Variants in NTM observed in about 807,000 individuals in gnomAD.
NTM encodes the protein IgLON family member 2.
A neutral mutation model predicts 42.1 loss-of-function variants in NTM; 13 were observed. That is an observed-to-expected ratio of 0.31 (90% CI 0.20 to 0.49). NTM has a LOEUF of 0.49. Among genes scored for constraint, NTM ranks in the 20% least tolerant of loss-of-function variants. NTM has a pLI of 0.99. For synonymous variants in NTM, 187 were observed against 179.2 expected, an observed-to-expected ratio of 1.04 and a Z score of -0.35; for missense variants, 373 against 452.8, an observed-to-expected ratio of 0.82 and a Z score of 1.60.
chr11:131,851,982 TGGGG>T (rs2045604457), intron 1 of NTM, among the ~76,000 whole-genome samples: 3 of 152,128 alleles, frequency 2.0e-5, no homozygotes, highest in African/African-American at 7.2e-5. Context: ...AACCCGGGTC[TGGGG>T]TGCTTGCCAT....
At chr11:131,829,177 TAA>T (rs113314101) in intron 1 of NTM, among the ~76,000 whole-genome samples, 2 of 150,108 alleles carry the variant, frequency 1.3e-5, no homozygotes, top group African/African-American at 4.9e-5. Context: ...AAGAGTCACT[TAA>T]AAAAAAAATG....
intron 2 of NTM, among the ~76,000 whole-genome samples, chr11:132,105,864 G>A (rs1419932835): frequency 6.6e-6 from 1 of 152,160 alleles, no homozygotes; most frequent in Non-Finnish European, 1.5e-5. Flanking sequence ...TATCGAGAAA[G>A]AGGGGATGTT....
At chr11:131,404,550 C>T (rs1945605986) in intron 1 of NTM, among the ~76,000 whole-genome samples, 1 of 152,162 alleles carries the variant, frequency 6.6e-6, no homozygotes, top group African/African-American at 2.4e-5. Flanking sequence ...CCTCTATATA[C>T]TGGTGACTGC....
intron 1 of NTM, among the ~76,000 whole-genome samples, chr11:131,861,095 G>A (rs1398013439): frequency 2.6e-5 from 4 of 152,112 alleles, no homozygotes; most frequent in Admixed American, 1.3e-4. Context: ...TCCTGTTACT[G>A]AGAGCTGAGC....
At chr11:131,881,313 G>A (rs1397948113) in intron 1 of NTM, among the ~76,000 whole-genome samples, 2 of 152,278 alleles carry the variant, frequency 1.3e-5, no homozygotes, top group African/African-American at 4.8e-5. Flanking sequence ...AACGGTTTGA[G>A]GGAGCACTTC....
chr11:131,567,774 C>T (rs2057043425), intron 1 of NTM, among the ~76,000 whole-genome samples: 1 of 152,206 alleles, frequency 6.6e-6, no homozygotes, highest in Non-Finnish European at 1.5e-5. Context: ...AAAGATGCTA[C>T]TTGAATCCAT....
At chr11:131,969,085 C>A (rs2134649927) in intron 2 of NTM, among the ~76,000 whole-genome samples, 1 of 152,294 alleles carries the variant, frequency 6.6e-6, no homozygotes, top group Non-Finnish European at 1.5e-5. Flanking sequence ...AGGGCTAATT[C>A]TATTTTTCAT....
intron 1 of NTM, among the ~76,000 whole-genome samples, chr11:131,566,963 A>G (rs2056953567): frequency 6.6e-6 from 1 of 152,076 alleles, no homozygotes; most frequent in African/African-American, 2.4e-5. Flanking sequence ...TCCTCAGAGA[A>G]GCCACACATT....
intron 1 of NTM, chr11:131,537,951 C>T (rs2052541537): frequency 6.6e-6 from 1 of 152,288 alleles, no homozygotes; most frequent in Non-Finnish European, 1.5e-5. Context: ...TGTGAGTGGT[C>T]CAGCCATGCT....
intron 2 of NTM, among the ~76,000 whole-genome samples, chr11:131,982,547 A>C (rs550634472): frequency 6.6e-6 from 1 of 152,112 alleles, no homozygotes; most frequent in Admixed American, 6.5e-5. Context: ...GTGCTCCCCT[A>C]TGGAAAGCAG....
chr11:131,726,675 C>T (rs556859572), intron 1 of NTM, among the ~76,000 whole-genome samples: 1 of 151,320 alleles, frequency 6.6e-6, no homozygotes, highest in South Asian at 2.1e-4. Context: ...TAAATAGGCT[C>T]ATTACGTTTC....
At chr11:131,549,246 G>A (rs2054328028) in intron 1 of NTM, among the ~76,000 whole-genome samples, 1 of 152,122 alleles carries the variant, frequency 6.6e-6, no homozygotes, top group South Asian at 2.1e-4. Context: ...GCCACTATTG[G>A]GAAGGGACCT....
At chr11:131,986,783 G>A (rs1162621210) in intron 2 of NTM, among the ~76,000 whole-genome samples, 1 of 152,138 alleles carries the variant, frequency 6.6e-6, no homozygotes, top group East Asian at 1.9e-4. Flanking sequence ...GCCTAGAAGA[G>A]TGCCTGACTA....
At chr11:131,868,779 C>T (rs1285206703) in intron 1 of NTM, among the ~76,000 whole-genome samples, 1 of 152,198 alleles carries the variant, frequency 6.6e-6, no homozygotes, top group Non-Finnish European at 1.5e-5. Flanking sequence ...GTCCTGATGA[C>T]ATCAGCAAGA....
intron 1 of NTM, among the ~76,000 whole-genome samples, chr11:131,587,916 G>A (rs1405301740): frequency 6.6e-6 from 1 of 152,228 alleles, no homozygotes; most frequent in East Asian, 1.9e-4. Context: ...TCTTTAGGAT[G>A]AGGCTGATGA....
intron 2 of NTM, among the ~76,000 whole-genome samples, chr11:132,005,110 A>G (rs989228555): frequency 1.3e-5 from 2 of 152,120 alleles, no homozygotes; most frequent in African/African-American, 4.8e-5. Context: ...CATAGTATTG[A>G]CACAGCTGGT....
intron 4 of NTM, among the ~76,000 whole-genome samples, chr11:132,297,568 A>G (rs991605005): frequency 1.3e-5 from 2 of 152,216 alleles, no homozygotes; most frequent in Admixed American, 6.5e-5. Flanking sequence ...CCAGATCGAT[A>G]TATCTATTCT....
At chr11:131,405,224 T>C (rs1200722837) in intron 1 of NTM, among the ~76,000 whole-genome samples, 1 of 152,192 alleles carries the variant, frequency 6.6e-6, no homozygotes, top group East Asian at 1.9e-4. Context: ...TTTAAGTTAA[T>C]TACACACCTT....
intron 1 of NTM, among the ~76,000 whole-genome samples, chr11:131,802,701 G>A (rs967459557): frequency 5.3e-5 from 8 of 152,176 alleles, no homozygotes; most frequent in East Asian, 3.9e-4. Flanking sequence ...CTCCTTTCTC[G>A]TGCAAACAGA....
Sources: gnomAD v4.1 joint callset for allele counts (sites outside exome capture counted in the v4.1 genomes callset) on GRCh38, gnomAD v4.1.1 for gene constraint, MANE v1.5 for transcripts, NCBI Gene and HGNC (gene_info 2026-07-23, HGNC 2026-07-21) for gene names.